Variants in SAMSN1 observed in about 807,000 individuals in gnomAD.
SAMSN1 encodes the protein SAM domain, SH3 domain and nuclear localization signals 1, also known as SAM domain-containing protein SAMSN-1.
Under a neutral mutation model 42.0 loss-of-function variants are expected in SAMSN1, and 31 were observed. The observed-to-expected ratio is 0.74, with a 90% CI of 0.55 to 1.00. The LOEUF (loss-of-function observed/expected upper bound fraction) is 1.00, where lower values mean the gene tolerates loss of function less well. SAMSN1 is among the 50% of genes least tolerant of loss of function. SAMSN1 has a pLI of 0.00. For synonymous variants in SAMSN1, 178 were observed against 151.9 expected (o/e 1.17, Z -1.26); for missense variants, 464 against 439.4 (o/e 1.06, Z -0.50).
chr21:14,517,059 AC>A lies in SAMSN1; in HGVS notation c.130-19del. ...TCATGTGCCTAGTTTAGAATTGTTT[AC>A]AAAAGACAAAATAATAAAGCAATAA... is the stretch of plus-strand genomic sequence containing the variant. On this transcript the variant is annotated intron_variant, in intron 2 of 7. Transcript: ENST00000400566. 3.8e-6 allele frequency: 6 copies of A among 1,584,012 alleles called. No homozygotes were observed. The highest frequency in any genetic ancestry group is 5.1e-6 in the Non-Finnish European group (6 of 1,165,962).
chr21:14,581,430 C>A (rs1176443836), intron 2 of SAMSN1, among the ~76,000 whole-genome samples: 1 of 125,718 alleles, frequency 8.0e-6, no homozygotes, highest in Non-Finnish European at 1.6e-5. Context: ...GCGATCTCGG[C>A]TCACTGCAAG....
At chr21:14,572,042 A>C in intron 2 of SAMSN1, among the ~76,000 whole-genome samples, 1 of 152,216 alleles carries the variant, frequency 6.6e-6, no homozygotes, top group East Asian at 1.9e-4. Context: ...ATCCTAATGC[A>C]AGAACCTGTC....
intron 1 of SAMSN1, among the ~76,000 whole-genome samples, chr21:14,529,945 T>C (rs960918401): frequency 6.6e-6 from 1 of 152,186 alleles, no homozygotes; most frequent in Non-Finnish European, 1.5e-5. Flanking sequence ...CTGGAATCAA[T>C]ATAATTTGAA....
At chr21:14,512,617 C>T (rs770485692) in intron 3 of SAMSN1, 44 bp from the exon 4 acceptor site, 2 of 1,594,570 alleles carry the variant, frequency 1.3e-6, no homozygotes, top group Non-Finnish European at 1.7e-6. Context: ...AGAAGATTTC[C>T]ACAGAGATGT....
rs145291085 is a variant in SAMSN1, at chr21:14,564,669, T to A, written c.261+17467A>T. On this transcript the variant is annotated intron_variant, in intron 2 of 8. Coordinates refer to the SAMSN1 transcript ENST00000285670. ...AGTTGGCTGTACATCTAAAGCTTTA[T>A]TTTATAGTCAAAGAAGATCGCCTCT... Among the ~76,000 whole-genome samples, 97 of 152,336 alleles carry A rather than the reference T, an allele frequency of 6.4e-4. No individual in the cohort carries two copies. In the East Asian group the frequency reaches 0.013, roughly 20 times the overall value.
chr21:14,587,494 C>T (rs1173512092), upstream of SAMSN1, among the ~76,000 whole-genome samples: 1 of 152,118 alleles, frequency 6.6e-6, no homozygotes, highest in Admixed American at 6.5e-5. Flanking sequence ...CCCTCTATAA[C>T]TCCTATATGC....
At chr21:14,636,206 A>G (rs529950068) in intron 2 of SAMSN1, among the ~76,000 whole-genome samples, 1 of 152,292 alleles carries the variant, frequency 6.6e-6, no homozygotes, top group Non-Finnish European at 1.5e-5. Context: ...ACCCATCTCA[A>G]GTTCTTTTCA....
chr21:14,493,572 ACAACACACACACAC>A (rs1304870034), intron 7 of SAMSN1, among the ~76,000 whole-genome samples: 5 of 131,792 alleles, frequency 3.8e-5, no homozygotes, highest in East Asian at 2.0e-4. Flanking sequence ...TGTTTATGGA[ACAACACACACACAC>A]ACACACACAC....
chr21:14,590,263 A>G (rs999902220), intron 7 of SAMSN1, among the ~76,000 whole-genome samples: 74 of 10,096 alleles, frequency 7.3e-3, no homozygotes, highest in African/African-American at 0.028. Flanking sequence ...CATAATTGGG[A>G]GAATTTTTTT....
chr21:14,577,366 G>A (rs1006988603), intron 2 of SAMSN1, among the ~76,000 whole-genome samples: 9 of 144,812 alleles, frequency 6.2e-5, no homozygotes, highest in African/African-American at 2.3e-4. Context: ...GCCTGCCTCA[G>A]CCTCCCAAAG....
At position 14,593,736 on chromosome 21, in the gene SAMSN1, A is replaced by T. The variant is rs1025929713; in HGVS notation, c.465+277T>A. 8.4e-5 allele frequency: 22 copies of T among 261,966 alleles called. 1 individual carries two copies. Among genetic ancestry groups the T allele is most frequent in the Admixed American group, 6.8e-4 (14 of 20,464 alleles). The allele number at this position is 261,966 out of a possible 1,614,324, so 16.2% of individuals were successfully genotyped here. A position where few individuals can be genotyped will look rare whatever the true frequency, so the allele number is the denominator to read the frequency against. ...GACGACATGCTTTTTAACATTATAA[A>T]TTTTTTCCTATCTCAGGAAAAATTG... On this transcript the variant is annotated intron_variant, in intron 7 of 15. Coordinates refer to the SAMSN1 transcript ENST00000647101.
intron 2 of SAMSN1, among the ~76,000 whole-genome samples, chr21:14,571,186 T>C (rs1981289498): frequency 6.6e-6 from 1 of 152,224 alleles, no homozygotes; most frequent in Non-Finnish European, 1.5e-5. Context: ...TTTTTGTTTC[T>C]AATTAGACTA....
chr21:14,649,437 A>G (rs568104827), intron 1 of SAMSN1, among the ~76,000 whole-genome samples: 16 of 152,230 alleles, frequency 1.1e-4, no homozygotes, highest in Admixed American at 3.3e-4. Flanking sequence ...AAAAGAAAAA[A>G]TTTTAAAAAA....
intron 2 of SAMSN1, among the ~76,000 whole-genome samples, chr21:14,618,655 T>C (rs1201587675): frequency 3.2e-5 from 2 of 63,234 alleles, no homozygotes; most frequent in Non-Finnish European, 6.3e-5. Flanking sequence ...CACAGCTGTG[T>C]ATGTGTGTGT....
chr21:14,639,811 G>A (rs2822813), intron 2 of SAMSN1, among the ~76,000 whole-genome samples: 26,617 of 151,892 alleles, frequency 0.18, 2,397 homozygotes, highest in African/African-American at 0.21. Context: ...GTTTTTGGCC[G>A]TTGTCCTCCA....
In SAMSN1 at chr21:14,517,024, G is replaced by A. The variant is rs1383594058; in HGVS notation, c.147C>T (p.Pro49=). The part of the protein sequence containing the change: ...DDSTEAHEGD[P]TNGSGEQSKT... ...TACTTTGTTCTCCACTTCCATTTGT[G>A]GGATCTCCTTCATGTGCCTAGTTTA... The change falls in exon 3 of 8, where the codon CCC becomes CCT. Residue 49 remains proline, a synonymous_variant. Coordinates refer to ENST00000400566, the MANE Select transcript of SAMSN1 (RefSeq NM_022136.5). 1 of 1,611,402 alleles carries A rather than the reference G, an allele frequency of 6.2e-7. No individual in the cohort carries two copies. Among genetic ancestry groups the A allele is most frequent in the Non-Finnish European group, 8.5e-7 (1 of 1,179,036 alleles).
At chr21:14,634,872 T>C (rs1019473209) in intron 2 of SAMSN1, among the ~76,000 whole-genome samples, 33 of 152,292 alleles carry the variant, frequency 2.2e-4, no homozygotes, top group Admixed American at 9.2e-4. Context: ...GTTATAAAGA[T>C]ACATGGACAC....
chr21:14,518,435 A>G (rs1988015714), intron 2 of SAMSN1, among the ~76,000 whole-genome samples: 1 of 126,936 alleles, frequency 7.9e-6, no homozygotes, highest in Non-Finnish European at 1.7e-5. Flanking sequence ...TCTCATGTAG[A>G]ACGTTGCAGA....
At chr21:14,647,991 C>T (rs1334400283) in intron 1 of SAMSN1, among the ~76,000 whole-genome samples, 4 of 150,164 alleles carry the variant, frequency 2.7e-5, no homozygotes, top group Admixed American at 2.0e-4. Flanking sequence ...CTTCTCCTGC[C>T]TAATTGCCCT....
Sources: gnomAD v4.1 joint callset for allele counts (sites outside exome capture counted in the v4.1 genomes callset) on GRCh38, gnomAD v4.1.1 for gene constraint, MANE v1.5 for transcripts, NCBI Gene and HGNC (gene_info 2026-07-23, HGNC 2026-07-21) for gene names.